The following SERPINE3 variants were observed in gnomAD, a reference collection of about 807,000 sequenced individuals.
The protein encoded by SERPINE3 is serpin family E member 3, also known as serpin E3.
Under a neutral mutation model 41.7 loss-of-function variants are expected in SERPINE3, and 43 were observed. The ratio of observed to expected loss-of-function variants is 1.03; its 90% CI spans 0.81 to 1.33. The LOEUF is 1.33. SERPINE3 is among the 40% of genes most tolerant of loss of function. The pLI is 0.00. For missense variants in SERPINE3, 440 were observed against 491.7 expected (o/e 0.89, Z 0.99); for synonymous variants, 200 against 192.2 (o/e 1.04, Z -0.34).
chr13:51,362,499 A>T (rs17837216), intron 9 of SERPINE3: 1,731 of 152,728 alleles, frequency 0.011, 26 homozygotes, highest in East Asian at 0.071. Context: ...TATTGAACAA[A>T]GTCTTTAGAT....
intron 7 of SERPINE3, among the ~76,000 whole-genome samples, chr13:51,356,400 T>C (rs1209707394): frequency 6.6e-6 from 1 of 152,190 alleles, no homozygotes; most frequent in Non-Finnish European, 1.5e-5. Flanking sequence ...AAGAGAATTC[T>C]ATGTTTGATA....
In SERPINE3 at chr13:51,361,323, T is replaced by C. The variant is rs149323545; in HGVS notation, c.1046T>C (p.Ile349Thr). The C allele has an allele frequency of 2.1e-4, 336 of 1,610,402 alleles. No homozygotes were observed. In the African/African-American group the frequency reaches 3.8e-3, roughly 18 times the overall value. The change falls in exon 8 of 10, where the codon ATT becomes ACT. Residue 349 changes from isoleucine (I) to threonine (T), a missense_variant. Ile to Thr is a moderately conservative substitution (Grantham distance 89). Transcript: ENST00000681248. ...YVSEAIHKAK[I>T]EVLEEGTKAS... ...TCTGAAGCAATCCACAAGGCCAAGA[T>C]TGAAGTTTTGGAGGAAGGCACCAAG...
At chr13:51,349,317 G>A (rs1342337000) in intron 6 of SERPINE3, among the ~76,000 whole-genome samples, 1 of 152,150 alleles carries the variant, frequency 6.6e-6, no homozygotes, top group African/African-American at 2.4e-5. Context: ...AGTAAGTTAA[G>A]GGCCAAGGTC....
chr13:51,359,900 A>G (rs1430813223), intron 7 of SERPINE3, among the ~76,000 whole-genome samples: 2 of 152,100 alleles, frequency 1.3e-5, no homozygotes, highest in Non-Finnish European at 2.9e-5. Context: ...AAAAAGACCA[A>G]CTGCTAAAAT....
At chr13:51,341,973 T>C (rs1448468270) in intron 3 of SERPINE3, among the ~76,000 whole-genome samples, 1 of 152,174 alleles carries the variant, frequency 6.6e-6, no homozygotes, top group Non-Finnish European at 1.5e-5. Flanking sequence ...AGCTTATTTC[T>C]ATGGATTATG....
At chr13:51,345,185 A>C (rs568909490) in intron 4 of SERPINE3, among the ~76,000 whole-genome samples, 9 of 152,228 alleles carry the variant, frequency 5.9e-5, no homozygotes, top group African/African-American at 2.2e-4. Flanking sequence ...TCCCCATTCT[A>C]TAAATGGAGA....
chr13:51,341,727 C>T (rs1955293668), intron 3 of SERPINE3, among the ~76,000 whole-genome samples: 2 of 152,322 alleles, frequency 1.3e-5, no homozygotes, highest in Admixed American at 1.3e-4. Flanking sequence ...GAGGCACTTA[C>T]AAACATTAAT....
At chr13:51,358,401 C>G (rs925042739) in intron 7 of SERPINE3, among the ~76,000 whole-genome samples, 6 of 152,104 alleles carry the variant, frequency 3.9e-5, no homozygotes, top group African/African-American at 1.2e-4. Flanking sequence ...GACTTTTAAC[C>G]TTTTGAGTAT....
At chr13:51,341,453 C>A in intron 3 of SERPINE3, 106 bp downstream of exon 3, 1 of 1,131,402 alleles carries the variant, frequency 8.8e-7, no homozygotes. Flanking sequence ...TCCAGCTTAC[C>A]CTGCTGCTCA....
intron 6 of SERPINE3, 52 bp downstream of exon 6, chr13:51,348,463 G>A (rs1259552257): frequency 1.6e-5 from 24 of 1,509,670 alleles, no homozygotes; most frequent in Admixed American, 3.4e-5. Context: ...AGTCAGAAGA[G>A]CGTGGATTTG....
chr13:51,348,510 C>A, intron 6 of SERPINE3, 99 bp downstream of exon 6: 3 of 923,262 alleles, frequency 3.2e-6, no homozygotes, highest in South Asian at 3.2e-5. Flanking sequence ...TGTGCTTAGC[C>A]ACTGGGATGA....
Position 51,364,408 on chromosome 13 carries a change from T to C in SERPINE3, c.*126T>C. 2 of 509,482 alleles carry C rather than the reference T, an allele frequency of 3.9e-6. No individual in the cohort carries two copies. The highest frequency in any genetic ancestry group is 3.6e-5 in the South Asian group (1 of 28,098). The allele number at this position is 509,482 out of a possible 1,614,324, so 31.6% of individuals were successfully genotyped here. A position where few individuals can be genotyped will look rare whatever the true frequency, so the allele number is the denominator to read the frequency against. ...AGCTAAGGGTATGTGATTTTCAATA[T>C]TATAAACCTAAAAATACTTCAGTTT... is the stretch of plus-strand genomic sequence containing the variant. On this transcript the variant is annotated 3_prime_UTR_variant, in exon 10 of 10. Transcript: ENST00000681248.
At chr13:51,349,223 C>G (rs1436452191) in intron 6 of SERPINE3, among the ~76,000 whole-genome samples, 1 of 152,080 alleles carries the variant, frequency 6.6e-6, no homozygotes, top group Admixed American at 6.6e-5. Context: ...TTCCAGTAGG[C>G]AAAGGCAAAG....
At chr13:51,347,960 C>T (rs548301676) in intron 5 of SERPINE3, among the ~76,000 whole-genome samples, 115 of 152,200 alleles carry the variant, frequency 7.6e-4, no homozygotes, top group Non-Finnish European at 9.9e-4. Context: ...CCATCGTCCC[C>T]CCCCCCATAC....
chr13:51,356,903 G>A (rs1955489544), intron 7 of SERPINE3, among the ~76,000 whole-genome samples: 1 of 151,870 alleles, frequency 6.6e-6, no homozygotes, highest in Admixed American at 6.6e-5. Flanking sequence ...CAAGTATGAA[G>A]CTTGCATTCA....
chr13:51,357,294 A>G (rs539220085), intron 7 of SERPINE3, among the ~76,000 whole-genome samples: 1 of 152,316 alleles, frequency 6.6e-6, no homozygotes, highest in South Asian at 2.1e-4. Flanking sequence ...TCTCCAACAA[A>G]TAGTTTCCTC....
At chr13:51,351,801 GAATT>G (rs1373841542) in intron 6 of SERPINE3, among the ~76,000 whole-genome samples, 1 of 151,880 alleles carries the variant, frequency 6.6e-6, no homozygotes, top group African/African-American at 2.4e-5. Context: ...AATCCATTTT[GAATT>G]AATTATTGTA....
chr13:51,345,775 T>C (rs1317279230), intron 4 of SERPINE3, among the ~76,000 whole-genome samples: 1 of 152,222 alleles, frequency 6.6e-6, no homozygotes, highest in Admixed American at 6.5e-5. Flanking sequence ...CTTAAATATG[T>C]TTAATTCCCT....
intron 8 of SERPINE3, 164 bp from the exon 9 acceptor site, chr13:51,361,646 C>A (rs1251342522): frequency 3.1e-6 from 2 of 635,878 alleles, no homozygotes; most frequent in Non-Finnish European, 5.3e-6. Context: ...TAAATGGCAT[C>A]TTTTCTCTTT....
Sources: gnomAD v4.1 joint callset for allele counts (sites outside exome capture counted in the v4.1 genomes callset) on GRCh38, gnomAD v4.1.1 for gene constraint, MANE v1.5 for transcripts, NCBI Gene and HGNC (gene_info 2026-07-23, HGNC 2026-07-21) for gene names.